ICOS: variants seen among roughly 807,000 people sequenced by gnomAD.
ICOS encodes the protein inducible T-cell costimulator.
ICOS carries 15 observed loss-of-function variants against 24.6 expected under a neutral mutation model. The observed-to-expected ratio is 0.61, with a 90% CI of 0.41 to 0.94. The LOEUF is 0.94. Among genes scored for constraint, ICOS ranks in the 40% least tolerant of loss-of-function variants. The pLI, the probability that ICOS is intolerant of heterozygous loss-of-function variation, is 0.00. For synonymous variants in ICOS, 89 were observed against 77.5 expected, an observed-to-expected ratio of 1.15 and a Z score of -0.78; for missense variants, 200 against 233.0, an observed-to-expected ratio of 0.86 and a Z score of 0.92.
chr2:203,946,137 T>A (rs1689863537), intron 1 of ICOS, among the ~76,000 whole-genome samples: 1 of 152,220 alleles, frequency 6.6e-6, no homozygotes, highest in African/African-American at 2.4e-5. Flanking sequence ...GGCAATGAAG[T>A]AACTAACAAA....
At chr2:203,950,193 G>T (rs1392395270) in intron 1 of ICOS, among the ~76,000 whole-genome samples, 1 of 152,198 alleles carries the variant, frequency 6.6e-6, no homozygotes, top group Non-Finnish European at 1.5e-5. Context: ...TAAGTCTAGG[G>T]GTCTAGGGGC....
chr2:203,957,696 T>C, intron 3 of ICOS, 103 bp from the exon 4 acceptor site: 1 of 846,706 alleles, frequency 1.2e-6, no homozygotes, highest in Non-Finnish European at 2.0e-6. Context: ...CACATTATCA[T>C]GTTTTTGTCA....
At position 203,956,802 on chromosome 2, in the gene ICOS, A is replaced by G. The variant is rs117533044; in HGVS notation, c.501+37A>G. On this transcript the variant is annotated intron_variant, in intron 3 of 4. Transcript: ENST00000316386. ...CTATCTTTCCTTGTATCTGCTTTAC[A>G]GATGCACATCAGTGATTATTTCCTC... is the stretch of plus-strand genomic sequence containing the variant. 3.2e-3 allele frequency: 4,190 copies of G among 1,291,252 alleles called. 126 individuals carry two copies. In the Admixed American group the frequency reaches 0.053, roughly 16 times the overall value. The allele number at this position is 1,291,252 out of a possible 1,614,324, so 80.0% of individuals were successfully genotyped here.
chr2:203,959,794 T>A lies in ICOS; in HGVS notation c.*195T>A, dbSNP rs1690145360. On this transcript the variant is annotated 3_prime_UTR_variant, in exon 5 of 5. Coordinates refer to ENST00000316386, the MANE Select transcript of ICOS (RefSeq NM_012092.4). ...AACAGACTGCCTTGGTACTGCCGAG[T>A]CCTCTCAAAACAAACACCCTCTTGC... 2 of 658,244 alleles carry A rather than the reference T, an allele frequency of 3.0e-6. No homozygotes were observed. Among genetic ancestry groups the A allele is most frequent in the Non-Finnish European group, 2.7e-6 (1 of 365,878 alleles). 40.8% of individuals were successfully genotyped at this position (658,244 alleles called of 1,614,324 possible). A position where few individuals can be genotyped will look rare whatever the true frequency, so the allele number is the denominator to read the frequency against.
chr2:203,958,559 G>A (rs1199518488), intron 4 of ICOS, among the ~76,000 whole-genome samples: 2 of 152,108 alleles, frequency 1.3e-5, no homozygotes, highest in East Asian at 1.9e-4. Context: ...CTTGAGGTTC[G>A]AATGATGTGC....
chr2:203,951,156 T>C (rs920989071), intron 1 of ICOS, among the ~76,000 whole-genome samples: 6 of 151,980 alleles, frequency 3.9e-5, no homozygotes, highest in East Asian at 1.9e-4. Flanking sequence ...TCAAGAAAAA[T>C]TGAGGCACGG....
At chr2:203,954,789 G>A (rs983666560) in intron 1 of ICOS, among the ~76,000 whole-genome samples, 1 of 150,746 alleles carries the variant, frequency 6.6e-6, no homozygotes, top group African/African-American at 2.4e-5. Flanking sequence ...GTATGTATAT[G>A]TATACAATTA....
intron 1 of ICOS, among the ~76,000 whole-genome samples, chr2:203,940,322 ACAGT>A (rs1291961054): frequency 6.6e-6 from 1 of 152,202 alleles, no homozygotes; most frequent in Non-Finnish European, 1.5e-5. Context: ...GTTTCCTCTT[ACAGT>A]ATTTCTCTTC....
chr2:203,954,413 T>C (rs760498391), intron 1 of ICOS, among the ~76,000 whole-genome samples: 10 of 152,130 alleles, frequency 6.6e-5, no homozygotes, highest in African/African-American at 2.4e-4. Flanking sequence ...TAGCAAGACC[T>C]GTCTCTACAA....
chr2:203,959,709 A>G lies in ICOS; in HGVS notation c.*110A>G. 1.0e-6 allele frequency: 1 copy of G among 953,254 alleles called. No individual in the cohort carries two copies. Among genetic ancestry groups the G allele is most frequent in the Non-Finnish European group, 1.7e-6 (1 of 585,082 alleles). 59.0% of individuals were successfully genotyped at this position (953,254 alleles called of 1,614,324 possible). A position where few individuals can be genotyped will look rare whatever the true frequency, so the allele number is the denominator to read the frequency against. On this transcript the variant is annotated 3_prime_UTR_variant, in exon 5 of 5. Coordinates refer to ENST00000316386, the MANE Select transcript of ICOS (RefSeq NM_012092.4). The stretch of plus-strand genomic sequence containing the variant: ...CGGAGAGTCTGACTTAACTACATAC[A>G]TCTTCTGCTGGTGTTTTGTTCAATC...
chr2:203,958,917 G>A (rs1030551743), intron 4 of ICOS, among the ~76,000 whole-genome samples: 4 of 152,172 alleles, frequency 2.6e-5, no homozygotes. Context: ...GGACTTGGGT[G>A]CAAGTAGTTT....
intron 3 of ICOS, 26 bp downstream of exon 3, chr2:203,956,791 A>G (rs749397771): frequency 2.7e-5 from 38 of 1,425,374 alleles, no homozygotes; most frequent in Non-Finnish European, 3.5e-5. Context: ...CTTTCCTTGT[A>G]TCTGCTTTAC....
At chr2:203,951,165 G>A (rs542660884) in intron 1 of ICOS, among the ~76,000 whole-genome samples, 28 of 152,180 alleles carry the variant, frequency 1.8e-4, no homozygotes, top group Admixed American at 6.5e-4. Flanking sequence ...ATTGAGGCAC[G>A]GCATTCCTGG....
At chr2:203,941,225 C>T (rs1375081046) in intron 1 of ICOS, among the ~76,000 whole-genome samples, 1 of 151,870 alleles carries the variant, frequency 6.6e-6, no homozygotes, top group Non-Finnish European at 1.5e-5. Flanking sequence ...GCTGTTTTTC[C>T]CCACTCTTTC....
chr2:203,941,425 G>T (rs1689773962), intron 1 of ICOS, among the ~76,000 whole-genome samples: 1 of 151,972 alleles, frequency 6.6e-6, no homozygotes, highest in Non-Finnish European at 1.5e-5. Flanking sequence ...GGCATGTAGG[G>T]GGGACTGAAA....
chr2:203,955,586 G>A (rs1690063265), intron 1 of ICOS, 50 bp from the exon 2 acceptor site: 4 of 1,419,766 alleles, frequency 2.8e-6, no homozygotes, highest in Non-Finnish European at 4.0e-6. Flanking sequence ...AATTATTAGG[G>A]CAACATTATA....
chr2:203,948,970 A>G (rs1689921524), intron 1 of ICOS, among the ~76,000 whole-genome samples: 1 of 152,220 alleles, frequency 6.6e-6, no homozygotes, highest in South Asian at 2.1e-4. Context: ...GTCATGGGAA[A>G]CCAGGGTAAG....
At chr2:203,938,304 A>G (rs1689699823) in intron 1 of ICOS, among the ~76,000 whole-genome samples, 1 of 152,196 alleles carries the variant, frequency 6.6e-6, no homozygotes, top group Non-Finnish European at 1.5e-5. Context: ...GTAGCAATCA[A>G]TGGGGAGAAC....
chr2:203,951,003 T>G (rs995551183), intron 1 of ICOS, among the ~76,000 whole-genome samples: 1 of 151,236 alleles, frequency 6.6e-6, no homozygotes, highest in Non-Finnish European at 1.5e-5. Context: ...GAGGTTGCAG[T>G]GAGCTGAGAT....
Sources: gnomAD v4.1 joint callset for allele counts (sites outside exome capture counted in the v4.1 genomes callset) on GRCh38, gnomAD v4.1.1 for gene constraint, MANE v1.5 for transcripts, NCBI Gene and HGNC (gene_info 2026-07-23, HGNC 2026-07-21) for gene names.